The following MVB12B variants were observed in gnomAD, a reference collection of about 807,000 sequenced individuals.
MVB12B encodes the protein ESCRT-I complex subunit MVB12B.
Under a neutral mutation model 41.6 loss-of-function variants are expected in MVB12B, and 16 were observed. The observed-to-expected ratio is 0.38, with a 90% CI of 0.26 to 0.58. MVB12B has a LOEUF of 0.58. Ranked by LOEUF, MVB12B falls within the 20% of genes least tolerant of loss-of-function variation. MVB12B has a pLI of 0.62. For synonymous variants in MVB12B, 133 were observed against 139.7 expected (o/e 0.95, Z 0.34); for missense variants, 274 against 380.2 (o/e 0.72, Z 2.32).
rs568983646 is a variant in MVB12B, at chr9:126,370,210, C to T, written c.205-10854C>T. On this transcript the variant is annotated intron_variant, in intron 2 of 9. Transcript: ENST00000361171. Reference sequence around the variant, plus strand: ...TAGGAATAGAATTGCCGGTCATTTTCGCCTTTCTGGATATGGACATGTGCC... The same window carrying T: ...TAGGAATAGAATTGCCGGTCATTTTTGCCTTTCTGGATATGGACATGTGCC... Among the ~76,000 whole-genome samples the T allele has an allele frequency of 2.2e-3, 331 of 152,188 alleles. 3 individuals carry two copies. Among genetic ancestry groups the T allele is most frequent in the Admixed American group, 0.015 (226 of 15,286 alleles).
intron 6 of MVB12B, among the ~76,000 whole-genome samples, chr9:126,403,059 A>G (rs1411638858): frequency 6.6e-6 from 1 of 152,172 alleles, no homozygotes; most frequent in Non-Finnish European, 1.5e-5. Context: ...GGGCTCAGGT[A>G]TTGTTTCTGT....
intron 7 of MVB12B, among the ~76,000 whole-genome samples, chr9:126,453,888 C>T (rs150515173): frequency 1.3e-5 from 2 of 152,192 alleles, no homozygotes; most frequent in African/African-American, 4.8e-5. Flanking sequence ...TCCAGATTAC[C>T]TTCCAGGGCT....
intron 3 of MVB12B, among the ~76,000 whole-genome samples, chr9:126,383,502 T>G (rs1019070851): frequency 1.4e-4 from 22 of 152,170 alleles, no homozygotes; most frequent in Non-Finnish European, 2.5e-4. Flanking sequence ...GAATATTAAG[T>G]TGGTTATCTG....
At chr9:126,396,699 C>G in intron 6 of MVB12B, 8 of 985,440 alleles carry the variant, frequency 8.1e-6, no homozygotes, top group Non-Finnish European at 9.6e-6. Context: ...TGGGACATCC[C>G]CCTATAAAGA....
Position 126,441,258 on chromosome 9 carries a change from C to T in MVB12B, c.757+19310C>T, listed in dbSNP as rs146307116. Among the ~76,000 whole-genome samples, 87 of 152,212 alleles carry T rather than the reference C, an allele frequency of 5.7e-4. No individual in the cohort carries two copies. The East Asian group carries it at 0.013, about 22-fold the overall frequency. On this transcript the variant is annotated intron_variant, in intron 7 of 9. Coordinates refer to ENST00000361171, the MANE Select transcript of MVB12B (RefSeq NM_033446.3). ...CAGATTCCTCTGCGAGGCTTGAAGG[C>T]GAAACAAAAGGGAGCATAATAGAGA...
At chr9:126,439,080 C>T (rs943621277) in intron 7 of MVB12B, among the ~76,000 whole-genome samples, 1 of 152,028 alleles carries the variant, frequency 6.6e-6, no homozygotes, top group Non-Finnish European at 1.5e-5. Context: ...CTGGGGGAAT[C>T]GGACTTTTTT....
Position 126,392,621 on chromosome 9 carries a change from G to A in MVB12B, c.539+426G>A, listed in dbSNP as rs111524492. Among the ~76,000 whole-genome samples, 1 of 152,336 alleles carries A rather than the reference G, an allele frequency of 6.6e-6. No homozygotes were observed. Among genetic ancestry groups the A allele is most frequent in the African/African-American group, 2.4e-5 (1 of 41,582 alleles). On this transcript the variant is annotated intron_variant, in intron 5 of 9. Coordinates refer to ENST00000361171, the MANE Select transcript of MVB12B (RefSeq NM_033446.3). The surrounding 1 kb of genome is among the most constrained non-coding windows in gnomAD (Gnocchi z 4.8). The stretch of plus-strand genomic sequence containing the variant: ...AGCTGATGTTCTAAAAGGGACAGAC[G>A]AGCAATAAACAAGAAAATAAATGAG...
At chr9:126,393,306 G>A (rs547161876) in intron 5 of MVB12B, among the ~76,000 whole-genome samples, 1 of 152,350 alleles carries the variant, frequency 6.6e-6, no homozygotes, top group East Asian at 1.9e-4. Flanking sequence ...TGGTTTCCCT[G>A]TCTCCCCCTG....
chr9:126,402,075 G>C (rs1346112794), intron 6 of MVB12B, among the ~76,000 whole-genome samples: 1 of 152,186 alleles, frequency 6.6e-6, no homozygotes, highest in African/African-American at 2.4e-5. Context: ...AAGGCTTGGT[G>C]CTGGAGGCAT....
At chr9:126,358,672 A>C (rs1286497895) in intron 2 of MVB12B, among the ~76,000 whole-genome samples, 1 of 152,206 alleles carries the variant, frequency 6.6e-6, no homozygotes, top group Non-Finnish European at 1.5e-5. Flanking sequence ...CTCACTTATT[A>C]GTTCTTATAA....
At chr9:126,403,950 CTTTTT>C (rs36030597) in intron 6 of MVB12B, among the ~76,000 whole-genome samples, 18 of 104,748 alleles carry the variant, frequency 1.7e-4, no homozygotes, top group African/African-American at 3.2e-4. Context: ...TCCTTTAAAT[CTTTTT>C]TTTTTTTTTT....
intron 1 of MVB12B, among the ~76,000 whole-genome samples, chr9:126,338,337 G>A (rs1829344474): frequency 6.6e-6 from 1 of 152,246 alleles, no homozygotes; most frequent in Non-Finnish European, 1.5e-5. Flanking sequence ...ACAGGGCATT[G>A]TGGGAGCAGC....
Position 126,481,748 on chromosome 9 carries a change from A to G in MVB12B, c.813+324A>G, listed in dbSNP as rs115452316. Among the ~76,000 whole-genome samples the G allele has an allele frequency of 5.0e-3, 761 of 152,332 alleles. 7 individuals are homozygous for G. The highest frequency in any genetic ancestry group is 0.018 in the African/African-American group (737 of 41,576). On this transcript the variant is annotated intron_variant, in intron 8 of 9. Coordinates refer to ENST00000361171, the MANE Select transcript of MVB12B (RefSeq NM_033446.3). ...GAGGCTGTCAGACAAGCTCAGGTGC[A>G]CTGAGCCTTTGCCATGCCGCACGTG...
chr9:126,393,906 A>G (rs1831029778), intron 5 of MVB12B, among the ~76,000 whole-genome samples: 1 of 152,228 alleles, frequency 6.6e-6, no homozygotes, highest in Admixed American at 6.5e-5. Flanking sequence ...TTGAGCCCAG[A>G]GCCGCCTTTG....
chr9:126,466,988 C>T (rs561427260), intron 7 of MVB12B, among the ~76,000 whole-genome samples: 7 of 151,976 alleles, frequency 4.6e-5, no homozygotes, highest in African/African-American at 1.2e-4. Context: ...CCACCATGCC[C>T]GGCTAATTTT....
intron 8 of MVB12B, among the ~76,000 whole-genome samples, chr9:126,481,632 G>C (rs1056132045): frequency 6.6e-6 from 1 of 152,214 alleles, no homozygotes; most frequent in Non-Finnish European, 1.5e-5. Context: ...GGGGTGGGTC[G>C]TGTGCATCTC....
In MVB12B at chr9:126,481,559, C is replaced by T. The variant is rs541371359; in HGVS notation, c.813+135C>T. ...CCCCTACCGGAATCTTGTCCGCCTGCGTGTCCTCTCTCCCACTGGAAGCTG... is the reference window on the plus strand; with the variant it reads ...CCCCTACCGGAATCTTGTCCGCCTGTGTGTCCTCTCTCCCACTGGAAGCTG... On this transcript the variant is annotated intron_variant, in intron 8 of 9. Coordinates refer to ENST00000361171, the MANE Select transcript of MVB12B (RefSeq NM_033446.3). 110 of 719,446 alleles carry T rather than the reference C, an allele frequency of 1.5e-4. 1 individual carries two copies. In the South Asian group the frequency reaches 1.5e-3, roughly 10 times the overall value. 44.6% of individuals were successfully genotyped at this position (719,446 alleles called of 1,614,324 possible).
At chr9:126,461,920 C>T (rs1167175060) in intron 7 of MVB12B, among the ~76,000 whole-genome samples, 3 of 152,228 alleles carry the variant, frequency 2.0e-5, no homozygotes. Context: ...CGGAATATGA[C>T]AATGTTAGCA....
At chr9:126,476,336 G>C (rs1833419202) in intron 7 of MVB12B, among the ~76,000 whole-genome samples, 1 of 152,204 alleles carries the variant, frequency 6.6e-6, no homozygotes, top group Admixed American at 6.5e-5. Context: ...TGCCCCAGAA[G>C]GTCTGGGAGG....
Sources: allele counts gnomAD v4.1 joint callset (sites outside exome capture counted in the v4.1 genomes callset), GRCh38; gene constraint gnomAD v4.1.1; non-coding constraint Gnocchi (gnomAD v3.1); transcripts MANE v1.5; gene names NCBI Gene and HGNC (gene_info 2026-07-23, HGNC 2026-07-21).